ANXA10: variants seen among roughly 807,000 people sequenced by gnomAD.
ANXA10 encodes annexin A10.
A neutral mutation model predicts 53.5 loss-of-function variants in ANXA10; 49 were observed. The ratio of observed to expected loss-of-function variants is 0.92; its 90% CI spans 0.73 to 1.16. The LOEUF (loss-of-function observed/expected upper bound fraction) is 1.16. Ranked by LOEUF, ANXA10 falls within the 50% of genes most tolerant of loss-of-function variation. ANXA10 has a pLI of 0.00. For missense variants in ANXA10, 393 were observed against 394.4 expected (o/e 1.00, Z 0.03); for synonymous variants, 131 against 128.9 (o/e 1.02, Z -0.11).
At chr4:168,151,632 G>C (rs1731498871) in intron 3 of ANXA10, among the ~76,000 whole-genome samples, 1 of 151,928 alleles carries the variant, frequency 6.6e-6, no homozygotes. Flanking sequence ...GAAAAGTGGT[G>C]TATATATATA....
At chr4:168,162,487 T>C (rs770245234) in intron 3 of ANXA10, 41 bp from the exon 4 acceptor site, 104 of 1,413,922 alleles carry the variant, frequency 7.4e-5, no homozygotes, top group Middle Eastern at 1.8e-4. Flanking sequence ...TCTTGCAAAT[T>C]TGGTAACATA....
intron 1 of ANXA10, among the ~76,000 whole-genome samples, chr4:168,103,775 G>C (rs763261582): frequency 6.6e-6 from 1 of 151,774 alleles, no homozygotes; most frequent in East Asian, 1.9e-4. Flanking sequence ...ACAATATTAA[G>C]TTTTCTAGCC....
rs750090355 is a variant in ANXA10 at position 168,128,115 on chromosome 4, T to G, written c.50T>G (p.Phe17Cys). The G allele has an allele frequency of 3.1e-6, 5 of 1,613,640 alleles. No individual in the cohort carries two copies. In the South Asian group the frequency reaches 5.5e-5, roughly 18 times the overall value. The change falls in exon 2 of 12, where the codon TTC (phenylalanine) becomes TGC (cysteine). Residue 17 changes from phenylalanine to cysteine, a missense_variant. Physicochemically the swap from Phe to Cys is radical, Grantham distance 205. Transcript: ENST00000359299. ...VQGTIFPAPNFNPIMDAQMLG... is the reference protein window; with the variant it reads ...VQGTIFPAPNCNPIMDAQMLG... ...GGAACCATCTTCCCAGCTCCCAATT[T>G]CAATCCCATAATGGATGCCCAAATG...
chr4:168,177,846 C>T (rs182196304), intron 7 of ANXA10, 44 bp from the exon 8 acceptor site: 2 of 1,613,816 alleles, frequency 1.2e-6, no homozygotes, highest in Non-Finnish European at 1.7e-6. Flanking sequence ...TTAAAATGGG[C>T]TGGAGTGGTT....
chr4:168,174,609 G>A (rs1394615556), intron 6 of ANXA10, among the ~76,000 whole-genome samples: 1 of 152,200 alleles, frequency 6.6e-6, no homozygotes, highest in East Asian at 1.9e-4. Flanking sequence ...CAGGAGCATT[G>A]CCAGCCACAG....
intron 3 of ANXA10, among the ~76,000 whole-genome samples, chr4:168,149,591 A>C (rs1731462520): frequency 6.6e-6 from 1 of 152,008 alleles, no homozygotes; most frequent in Non-Finnish European, 1.5e-5. Context: ...TTTAGGGAGA[A>C]TCTTTTTCTG....
At chr4:168,100,480 C>T (rs1156485577) in intron 1 of ANXA10, among the ~76,000 whole-genome samples, 2 of 152,076 alleles carry the variant, frequency 1.3e-5, no homozygotes, top group East Asian at 3.9e-4. Context: ...TTAAGCCTCT[C>T]ATACAGGTTC....
intron 1 of ANXA10, among the ~76,000 whole-genome samples, chr4:168,095,172 G>A (rs1347327368): frequency 6.6e-6 from 1 of 151,850 alleles, no homozygotes; most frequent in African/African-American, 2.4e-5. Flanking sequence ...AATATATAAT[G>A]TCTCTTTAGA....
At chr4:168,104,489 G>T (rs1422857573) in intron 1 of ANXA10, among the ~76,000 whole-genome samples, 1 of 151,796 alleles carries the variant, frequency 6.6e-6, no homozygotes, top group Non-Finnish European at 1.5e-5. Flanking sequence ...TTAAATGGTT[G>T]GCAGAAATAT....
At chr4:168,155,707 A>G (rs369513279) in intron 3 of ANXA10, among the ~76,000 whole-genome samples, 5,729 of 20,236 alleles carry the variant, frequency 0.28, 982 homozygotes, top group African/African-American at 0.37. Flanking sequence ...TATTATAAAT[A>G]TATAATATTA....
At chr4:168,155,316 A>C (rs1731588965) in intron 3 of ANXA10, among the ~76,000 whole-genome samples, 1 of 127,100 alleles carries the variant, frequency 7.9e-6, no homozygotes, top group South Asian at 2.5e-4. Context: ...TAATATATAT[A>C]TTATATTATA....
At chr4:168,180,422 C>G (rs1413128841) in intron 9 of ANXA10, among the ~76,000 whole-genome samples, 1 of 152,102 alleles carries the variant, frequency 6.6e-6, no homozygotes, top group Admixed American at 6.5e-5. Context: ...CACTATAGAC[C>G]CCTGCCACAA....
chr4:168,154,461 C>G (rs1054130653), intron 3 of ANXA10, among the ~76,000 whole-genome samples: 2 of 151,994 alleles, frequency 1.3e-5, no homozygotes, highest in Non-Finnish European at 2.9e-5. Flanking sequence ...AATGTGGTCA[C>G]TGAAATATAA....
chr4:168,137,592 G>A (rs1344660374), intron 2 of ANXA10, among the ~76,000 whole-genome samples: 3 of 152,066 alleles, frequency 2.0e-5, no homozygotes, highest in Admixed American at 6.6e-5. Flanking sequence ...CTATGTTGCT[G>A]CAAAAGACAA....
intron 3 of ANXA10, among the ~76,000 whole-genome samples, chr4:168,157,664 C>T (rs567638698): frequency 1.1e-4 from 17 of 152,162 alleles, no homozygotes; most frequent in Non-Finnish European, 2.5e-4. Flanking sequence ...CTGCTTTCTA[C>T]TTGTCCTTAT....
chr4:168,128,136 A>C lies in ANXA10; in HGVS notation c.71A>C (p.Gln24Pro). The part of the protein sequence containing the change: ...APNFNPIMDA[Q>P]MLGGALQGFD... ...AATTTCAATCCCATAATGGATGCCC[A>C]AATGCTAGGAGGAGCACTCCAAGGA... The change falls in exon 2 of 12, where the codon CAA (glutamine) becomes CCA (proline). Residue 24 changes from glutamine (Q) to proline (P), a missense_variant. Transcript: ENST00000359299. 6.2e-7 allele frequency: 1 copy of C among 1,613,550 alleles called. No individual in the cohort carries two copies. The highest frequency in any genetic ancestry group is 8.5e-7 in the Non-Finnish European group (1 of 1,179,700).
intron 3 of ANXA10, among the ~76,000 whole-genome samples, chr4:168,156,162 T>TTA (rs1553957730): frequency 9.8e-5 from 5 of 50,888 alleles, no homozygotes; most frequent in Admixed American, 4.1e-4. Context: ...ATATTATATA[T>TTA]TATATATATT....
chr4:168,092,545 T>C lies in ANXA10; in HGVS notation c.-156T>C, dbSNP rs1579194440. ...ATCTCAAGTCATGCTGTATCCAGAT[T>C]TGCTTTTACATTTTCTTGCCTGAGT... On this transcript the variant is annotated 5_prime_UTR_variant, in exon 1 of 12. Transcript: ENST00000359299. 4 of 681,830 alleles carry C rather than the reference T, an allele frequency of 5.9e-6. No homozygotes were observed. In the East Asian group the frequency reaches 1.2e-4, roughly 20 times the overall value. 42.2% of individuals were successfully genotyped at this position (681,830 alleles called of 1,614,324 possible).
At position 168,123,686 on chromosome 4, in the gene ANXA10, G is replaced by A. The variant is rs933916896; in HGVS notation, c.19-4398G>A. ...GTTGGGAACAGGATTCACAGGTGCC[G>A]AACTAAAGTTTGACTAACTAAAACT... On this transcript the variant is annotated intron_variant, in intron 1 of 11. Transcript: ENST00000359299. Among the ~76,000 whole-genome samples, 16 of 152,000 alleles carry A rather than the reference G, an allele frequency of 1.1e-4. No homozygotes were observed. In the South Asian group the frequency reaches 1.2e-3, roughly 12 times the overall value.
Sources: allele counts gnomAD v4.1 joint callset (sites outside exome capture counted in the v4.1 genomes callset), GRCh38; gene constraint gnomAD v4.1.1; transcripts MANE v1.5; gene names NCBI Gene and HGNC (gene_info 2026-07-23, HGNC 2026-07-21).